RANBP10: variants seen among roughly 807,000 people sequenced by gnomAD.
The protein encoded by RANBP10 is ran-binding protein 10.
A neutral mutation model predicts 72.8 loss-of-function variants in RANBP10; 24 were observed. The observed-to-expected ratio is 0.33, with a 90% CI of 0.24 to 0.46. The LOEUF (loss-of-function observed/expected upper bound fraction) is 0.46. RANBP10 is among the 20% of genes least tolerant of loss of function. The pLI is 1.00. For missense variants in RANBP10, 679 were observed against 817.5 expected (o/e 0.83, Z 2.07); for synonymous variants, 310 against 322.3 (o/e 0.96, Z 0.41).
intron 3 of RANBP10, among the ~76,000 whole-genome samples, chr16:67,749,928 C>A (rs994541688): frequency 1.3e-5 from 2 of 152,172 alleles, no homozygotes; most frequent in African/African-American, 4.8e-5. Context: ...CTGACAGGAT[C>A]CACAACCATG....
intron 2 of RANBP10, among the ~76,000 whole-genome samples, chr16:67,794,586 G>A (rs2055091756): frequency 7.2e-6 from 1 of 138,386 alleles, no homozygotes; most frequent in Non-Finnish European, 1.5e-5. Context: ...GCAGTGGCAC[G>A]ATCTCGGCTC....
intron 3 of RANBP10, among the ~76,000 whole-genome samples, chr16:67,765,947 G>A (rs1435423492): frequency 6.6e-6 from 1 of 152,168 alleles, no homozygotes; most frequent in Non-Finnish European, 1.5e-5. Context: ...AGGAGGTTGA[G>A]GCTGCAGTGA....
chr16:67,753,376 G>A (rs1348131319), intron 3 of RANBP10, among the ~76,000 whole-genome samples: 1 of 152,138 alleles, frequency 6.6e-6, no homozygotes, highest in Non-Finnish European at 1.5e-5. Context: ...GCGCTGTGGT[G>A]CGCACCTGTA....
intron 3 of RANBP10, among the ~76,000 whole-genome samples, chr16:67,761,939 A>T (rs1006757637): frequency 6.6e-5 from 10 of 151,988 alleles, no homozygotes; most frequent in Admixed American, 5.9e-4. Flanking sequence ...AAAAAAAAAC[A>T]CACACCTTTT....
intron 2 of RANBP10, among the ~76,000 whole-genome samples, chr16:67,798,935 T>C (rs1287528307): frequency 6.6e-6 from 1 of 152,192 alleles, no homozygotes; most frequent in African/African-American, 2.4e-5. Flanking sequence ...TTTTCTTTTT[T>C]ATTTTTTTAA....
In RANBP10 at chr16:67,727,489, C is replaced by T. The variant is rs768921573; in HGVS notation, c.1621-51G>A. The T allele has an allele frequency of 2.0e-5, 30 of 1,533,116 alleles. No homozygotes were observed. In the African/African-American group the frequency reaches 4.0e-4, roughly 20 times the overall value. 95.0% of individuals were successfully genotyped at this position (1,533,116 alleles called of 1,614,324 possible). On this transcript the variant is annotated intron_variant, in intron 12 of 13. Coordinates refer to ENST00000317506, the MANE Select transcript of RANBP10 (RefSeq NM_020850.3). ...GACTGTGGCACACACCATAGCTCAC[C>T]CTGCTACCCGTGGCTCCAGAGGGAG... is the stretch of plus-strand genomic sequence containing the variant.
intron 3 of RANBP10, among the ~76,000 whole-genome samples, chr16:67,746,721 T>C (rs2143006622): frequency 6.6e-6 from 1 of 152,304 alleles, no homozygotes; most frequent in South Asian, 2.1e-4. Flanking sequence ...CCGGCAACAC[T>C]AATCTGATGT....
chr16:67,788,002 C>A (rs1597909896), intron 2 of RANBP10, among the ~76,000 whole-genome samples: 1 of 152,166 alleles, frequency 6.6e-6, no homozygotes, highest in Admixed American at 6.6e-5. Flanking sequence ...ACACACTCAG[C>A]TAATTTTTTT....
At chr16:67,759,052 T>C (rs1328203514) in intron 3 of RANBP10, among the ~76,000 whole-genome samples, 1 of 152,228 alleles carries the variant, frequency 6.6e-6, no homozygotes, top group African/African-American at 2.4e-5. Context: ...CTTCTCAGCA[T>C]GGACCACAGC....
chr16:67,744,462 G>C lies in RANBP10; in HGVS notation c.401-7C>G, dbSNP rs765880828. 1 of 1,610,348 alleles carries C rather than the reference G, an allele frequency of 6.2e-7. No homozygotes were observed. Among genetic ancestry groups the C allele is most frequent in the South Asian group, 1.1e-5 (1 of 90,620 alleles). On this transcript the variant is annotated splice_polypyrimidine_tract_variant and splice_region_variant and intron_variant, in intron 3 of 13. Transcript: ENST00000317506. ...TAGGAATGTTTGTCCCAACCTGTGG[G>C]GGAAGAGAGCAGCAATAACTGAGTA...
At chr16:67,759,632 C>T (rs118190610) in intron 3 of RANBP10, 1 of 152,392 alleles carries the variant, frequency 6.6e-6, no homozygotes, top group East Asian at 1.9e-4. Context: ...ACAGCAGACC[C>T]CTGTGAAGTA....
chr16:67,789,121 C>A (rs2054977472), intron 2 of RANBP10, among the ~76,000 whole-genome samples: 1 of 150,942 alleles, frequency 6.6e-6, no homozygotes, highest in Admixed American at 6.6e-5. Context: ...ACCAGCCTGG[C>A]CAATATGGTG....
At chr16:67,728,734 C>T in intron 10 of RANBP10, 1 of 784,772 alleles carries the variant, frequency 1.3e-6, no homozygotes, top group Admixed American at 2.8e-5. Context: ...TGCCCCAGTG[C>T]TGCCTCTGTG....
At chr16:67,783,538 T>G (rs1474501683) in intron 2 of RANBP10, among the ~76,000 whole-genome samples, 1 of 152,168 alleles carries the variant, frequency 6.6e-6, no homozygotes, top group Non-Finnish European at 1.5e-5. Context: ...CACTCCAGCC[T>G]AATTCAAGAC....
chr16:67,758,717 C>G (rs2054338001), intron 3 of RANBP10, among the ~76,000 whole-genome samples: 1 of 152,232 alleles, frequency 6.6e-6, no homozygotes, highest in Non-Finnish European at 1.5e-5. Context: ...CCTTTTCTAT[C>G]AAAGGACTTA....
chr16:67,749,950 C>T (rs1027726602), intron 3 of RANBP10, among the ~76,000 whole-genome samples: 5 of 152,216 alleles, frequency 3.3e-5, no homozygotes, highest in African/African-American at 9.7e-5. Flanking sequence ...GCCACACCAG[C>T]CACAATAGCC....
intron 3 of RANBP10, among the ~76,000 whole-genome samples, chr16:67,746,778 T>A (rs1409421814): frequency 1.3e-5 from 2 of 152,232 alleles, no homozygotes. Context: ...AATGGAATCA[T>A]AGAACATGAG....
intron 3 of RANBP10, among the ~76,000 whole-genome samples, chr16:67,760,049 A>G (rs1051369698): frequency 2.0e-5 from 3 of 152,032 alleles, no homozygotes; most frequent in Admixed American, 2.0e-4. Context: ...GCACTGAGCC[A>G]AGATCATGCC....
rs1057553 is a variant in RANBP10, at chr16:67,726,359, T to G, written c.*69A>C. The G allele has an allele frequency of 2.5e-6, 4 of 1,599,958 alleles. No homozygotes were observed. In the African/African-American group the frequency reaches 5.4e-5, roughly 21 times the overall value. On this transcript the variant is annotated 3_prime_UTR_variant, in exon 14 of 14. Coordinates refer to ENST00000317506, the MANE Select transcript of RANBP10 (RefSeq NM_020850.3). ...TTTCCCAGTCCCTGCACCAGTTGCC[T>G]ATGGAGGGCAGGGCAGCTCCAGCCC...
Sources: gnomAD v4.1 joint callset for allele counts (sites outside exome capture counted in the v4.1 genomes callset) on GRCh38, gnomAD v4.1.1 for gene constraint, MANE v1.5 for transcripts, NCBI Gene and HGNC (gene_info 2026-07-23, HGNC 2026-07-21) for gene names.